NXPH1: variants seen among roughly 807,000 people sequenced by gnomAD.
NXPH1 encodes neurexophilin-1.
Under a neutral mutation model 23.7 loss-of-function variants are expected in NXPH1, and 5 were observed. The ratio of observed to expected loss-of-function variants is 0.21; its 90% CI spans 0.11 to 0.44. NXPH1 has a LOEUF of 0.44. Among genes scored for constraint, NXPH1 ranks in the 20% least tolerant of loss-of-function variants. NXPH1 has a pLI of 0.99. For synonymous variants in NXPH1, 144 were observed against 122.2 expected (o/e 1.18, Z -1.18); for missense variants, 324 against 321.6 (o/e 1.01, Z -0.06).
chr7:8,588,703 G>A (rs1359835970), intron 2 of NXPH1, among the ~76,000 whole-genome samples: 1 of 152,094 alleles, frequency 6.6e-6, no homozygotes, highest in African/African-American at 2.4e-5. Flanking sequence ...CACACACCTG[G>A]TAATTGGAGT....
At chr7:8,625,587 C>A (rs1450668281) in intron 2 of NXPH1, among the ~76,000 whole-genome samples, 1 of 152,104 alleles carries the variant, frequency 6.6e-6, no homozygotes, top group Non-Finnish European at 1.5e-5. Context: ...AATTAGAGGT[C>A]TTCTGAAGAG....
At chr7:8,587,565 C>A (rs775193457) in intron 2 of NXPH1, among the ~76,000 whole-genome samples, 6 of 152,054 alleles carry the variant, frequency 3.9e-5, no homozygotes, top group Non-Finnish European at 8.8e-5. Flanking sequence ...ATACACGTGT[C>A]ATGGTGGTTT....
At chr7:8,735,141 C>G (rs368841951) in intron 2 of NXPH1, among the ~76,000 whole-genome samples, 1 of 152,152 alleles carries the variant, frequency 6.6e-6, no homozygotes, top group Non-Finnish European at 1.5e-5. Context: ...CTTTCTTTCT[C>G]TTGCCTGATT....
At chr7:8,746,867 T>C (rs1780479023) in intron 2 of NXPH1, among the ~76,000 whole-genome samples, 1 of 151,734 alleles carries the variant, frequency 6.6e-6, no homozygotes, top group African/African-American at 2.4e-5. Flanking sequence ...CAGCATGCTT[T>C]TTTTTTTAAT....
intron 2 of NXPH1, among the ~76,000 whole-genome samples, chr7:8,750,778 TA>T (rs2115236074): frequency 6.6e-6 from 1 of 152,244 alleles, no homozygotes; most frequent in African/African-American, 2.4e-5. Context: ...TATCACATAT[TA>T]AAAAATATTG....
At chr7:8,571,026 CTAATCTA>C (rs1818635206) in intron 2 of NXPH1, among the ~76,000 whole-genome samples, 5 of 4,076 alleles carry the variant, frequency 1.2e-3, no homozygotes, top group South Asian at 7.2e-3. Context: ...TCTATCTAAT[CTAATCTA>C]ATCTAATCTA....
chr7:8,655,945 A>G (rs541768557), intron 2 of NXPH1, among the ~76,000 whole-genome samples: 3 of 152,312 alleles, frequency 2.0e-5, no homozygotes, highest in Admixed American at 6.5e-5. Context: ...TTGTTTTACA[A>G]TATTATATTT....
intron 2 of NXPH1, among the ~76,000 whole-genome samples, chr7:8,525,367 A>G (rs1281799853): frequency 1.3e-5 from 2 of 152,220 alleles, no homozygotes; most frequent in African/African-American, 2.4e-5. Context: ...TTATAAAAGA[A>G]GCAAGAATAA....
At position 8,743,813 on chromosome 7, in the gene NXPH1, A is replaced by G. The variant is rs140178360; in HGVS notation, c.55-7195A>G. 7.7e-3 allele frequency among the ~76,000 whole-genome samples: 1,162 copies of G among 151,724 alleles called. 11 individuals are homozygous for G. Among genetic ancestry groups the G allele is most frequent in the African/African-American group, 0.026 (1,087 of 41,326 alleles). On this transcript the variant is annotated intron_variant, in intron 2 of 2. Transcript: ENST00000405863. ...GTTCTCCCGCCTCAGCCTCCCGAGT[A>G]GCTGGGACCACAGGCACCCACCACC...
At chr7:8,561,892 A>AT (rs546186766) in intron 2 of NXPH1, among the ~76,000 whole-genome samples, 29 of 151,860 alleles carry the variant, frequency 1.9e-4, no homozygotes, top group African/African-American at 5.5e-4. Context: ...GCAGTATGTG[A>AT]TTTTTTAAAA....
chr7:8,583,690 C>G (rs1348282969), intron 2 of NXPH1, among the ~76,000 whole-genome samples: 1 of 152,038 alleles, frequency 6.6e-6, no homozygotes, highest in Non-Finnish European at 1.5e-5. Context: ...GAACAGGGGC[C>G]GAGAGCAACA....
rs1030490546 is a variant in NXPH1 at position 8,695,247 on chromosome 7, C to T, written c.55-55761C>T. Among the ~76,000 whole-genome samples, 4 of 152,304 alleles carry T rather than the reference C, an allele frequency of 2.6e-5. No individual in the cohort carries two copies. The South Asian group carries it at 8.3e-4, about 32-fold the overall frequency. ...GCTAGGTCTTTGAAGTTTACTGTCT[C>T]ATGTAATCCTCCCCACCTTCTTAAG... On this transcript the variant is annotated intron_variant, in intron 2 of 2. Transcript: ENST00000405863.
chr7:8,746,145 A>T (rs1030847217), intron 2 of NXPH1, among the ~76,000 whole-genome samples: 1 of 152,298 alleles, frequency 6.6e-6, no homozygotes, highest in Middle Eastern at 3.4e-3. Flanking sequence ...TTGTAGTCTC[A>T]CTATACAGCT....
At chr7:8,687,643 A>T (rs554921783) in intron 2 of NXPH1, among the ~76,000 whole-genome samples, 1 of 152,294 alleles carries the variant, frequency 6.6e-6, no homozygotes, top group South Asian at 2.1e-4. Context: ...TTGGGGCAAG[A>T]TAACCACACT....
chr7:8,644,991 C>A (rs892499281), intron 2 of NXPH1, among the ~76,000 whole-genome samples: 2 of 152,098 alleles, frequency 1.3e-5, no homozygotes, highest in African/African-American at 4.8e-5. Context: ...GGGATTCATC[C>A]CTGTTGATAA....
At chr7:8,574,262 T>C (rs2128622590) in intron 2 of NXPH1, among the ~76,000 whole-genome samples, 1 of 152,274 alleles carries the variant, frequency 6.6e-6, no homozygotes, top group South Asian at 2.1e-4. Flanking sequence ...GCAAAACTGT[T>C]TTTTTAAATT....
At chr7:8,508,192 C>G (rs988656922) in intron 2 of NXPH1, among the ~76,000 whole-genome samples, 1 of 151,962 alleles carries the variant, frequency 6.6e-6, no homozygotes, top group Admixed American at 6.6e-5. Flanking sequence ...GTCTCTTTAC[C>G]TGTGCAACAA....
At chr7:8,595,955 G>A (rs556962269) in intron 2 of NXPH1, among the ~76,000 whole-genome samples, 124 of 152,044 alleles carry the variant, frequency 8.2e-4, no homozygotes, top group African/African-American at 2.8e-3. Flanking sequence ...TTACTCAGAT[G>A]AATTAATTTG....
intron 2 of NXPH1, among the ~76,000 whole-genome samples, chr7:8,513,469 T>C (rs1432341284): frequency 6.6e-6 from 1 of 152,150 alleles, no homozygotes; most frequent in East Asian, 1.9e-4. Flanking sequence ...AATATTAAAG[T>C]GTTGATTACA....
Sources: allele counts gnomAD v4.1 joint callset (sites outside exome capture counted in the v4.1 genomes callset), GRCh38; gene constraint gnomAD v4.1.1; transcripts MANE v1.5; gene names NCBI Gene and HGNC (gene_info 2026-07-23, HGNC 2026-07-21).